Variants in TRDN observed in about 807,000 individuals in gnomAD.
TRDN encodes the protein triadin.
TRDN carries 161 observed loss-of-function variants against 149.7 expected under a neutral mutation model. The ratio of observed to expected loss-of-function variants is 1.08; its 90% CI spans 0.95 to 1.23. TRDN has a LOEUF of 1.23. TRDN is among the 50% of genes most tolerant of loss of function. The pLI is 0.00. For synonymous variants in TRDN, 294 were observed against 250.5 expected, an observed-to-expected ratio of 1.17 and a Z score of -1.64; for missense variants, 896 against 823.5, an observed-to-expected ratio of 1.09 and a Z score of -1.08.
chr6:123,284,005 T>TATATATATATATATATATATATAA, intron 24 of TRDN, among the ~76,000 whole-genome samples: 1 of 122,768 alleles, frequency 8.1e-6, no homozygotes, highest in African/African-American at 3.3e-5. Flanking sequence ...TATATATATG[T>TATATATATATATATATATATATAA]AACAAACCTG....
intron 12 of TRDN, among the ~76,000 whole-genome samples, chr6:123,411,231 G>C (rs1773429552): frequency 6.6e-6 from 1 of 151,776 alleles, no homozygotes; most frequent in Admixed American, 6.6e-5. Flanking sequence ...ATTTTTAGTA[G>C]AGACGAGCTT....
intron 14 of TRDN, among the ~76,000 whole-genome samples, chr6:123,384,031 A>G (rs748272609): frequency 1.1e-4 from 16 of 152,106 alleles, no homozygotes; most frequent in Non-Finnish European, 1.8e-4. Flanking sequence ...TATTCTTGCT[A>G]TTTAGTTTGT....
chr6:123,407,142 T>C (rs985437835), intron 12 of TRDN, among the ~76,000 whole-genome samples: 2 of 152,142 alleles, frequency 1.3e-5, no homozygotes, highest in African/African-American at 4.8e-5. Context: ...GAGTTGAGCA[T>C]GACCGGGCAA....
intron 38 of TRDN, among the ~76,000 whole-genome samples, chr6:123,246,892 A>C (rs2114557973): frequency 6.6e-6 from 1 of 152,300 alleles, no homozygotes; most frequent in African/African-American, 2.4e-5. Context: ...CACATCAAAA[A>C]GTTTATCCAC....
At chr6:123,281,918 T>TGTGGAA (rs921755803) in intron 24 of TRDN, among the ~76,000 whole-genome samples, 5 of 152,060 alleles carry the variant, frequency 3.3e-5, no homozygotes, top group African/African-American at 1.2e-4. Context: ...CCAAAATACA[T>TGTGGAA]GTGGAAGTCC....
At chr6:123,372,647 T>G (rs1368752393) in intron 19 of TRDN, among the ~76,000 whole-genome samples, 1 of 152,114 alleles carries the variant, frequency 6.6e-6, no homozygotes, top group African/African-American at 2.4e-5. Context: ...ATCCTTGATG[T>G]GATCATTGAA....
intron 12 of TRDN, among the ~76,000 whole-genome samples, chr6:123,408,591 T>C (rs1330816579): frequency 1.3e-5 from 2 of 151,666 alleles, no homozygotes; most frequent in Non-Finnish European, 2.9e-5. Context: ...GGCAGGAGAA[T>C]TGCTTGAACC....
intron 24 of TRDN, 135 bp downstream of exon 24, chr6:123,316,322 C>CATA (rs1779019133): frequency 5.0e-6 from 4 of 807,316 alleles, no homozygotes; most frequent in South Asian, 4.7e-5. Context: ...ATATATGGCA[C>CATA]ATAGCATCAG....
At chr6:123,267,395 C>G (rs1179335856) in intron 32 of TRDN, among the ~76,000 whole-genome samples, 1 of 152,020 alleles carries the variant, frequency 6.6e-6, no homozygotes, top group African/African-American at 2.4e-5. Context: ...AAACTATCAA[C>G]TTAATCTGTA....
chr6:123,482,575 A>T (rs978744866), intron 9 of TRDN, among the ~76,000 whole-genome samples: 1 of 152,190 alleles, frequency 6.6e-6, no homozygotes, highest in African/African-American at 2.4e-5. Context: ...TTTGGGAGAA[A>T]ATCATTATTA....
chr6:123,572,651 A>G (rs1782642986), intron 1 of TRDN, among the ~76,000 whole-genome samples: 1 of 152,126 alleles, frequency 6.6e-6, no homozygotes, highest in Non-Finnish European at 1.5e-5. Context: ...TAAGTAATTG[A>G]ATACTTAAGG....
intron 5 of TRDN, among the ~76,000 whole-genome samples, chr6:123,519,554 T>G (rs977134380): frequency 6.6e-6 from 1 of 150,440 alleles, no homozygotes; most frequent in Non-Finnish European, 1.5e-5. Context: ...GTTCTTTACT[T>G]AATCGTCCTG....
At chr6:123,244,658 T>A (rs776684311) in intron 38 of TRDN, among the ~76,000 whole-genome samples, 9 of 152,170 alleles carry the variant, frequency 5.9e-5, no homozygotes, top group Non-Finnish European at 1.3e-4. Context: ...GGAACCAAGT[T>A]GGAAAACACA....
At chr6:123,451,501 A>G (rs969213655) in intron 10 of TRDN, among the ~76,000 whole-genome samples, 1 of 152,152 alleles carries the variant, frequency 6.6e-6, no homozygotes, top group African/African-American at 2.4e-5. Context: ...AAAACCTAGA[A>G]GAGATGGATA....
At position 123,255,199 on chromosome 6, in the gene TRDN, A is replaced by G. The variant is rs562471837; in HGVS notation, c.1907-74T>C. 2.2e-5 allele frequency: 15 copies of G among 674,680 alleles called. No individual in the cohort carries two copies. The East Asian group carries it at 4.3e-4, about 19-fold the overall frequency. 41.8% of individuals were successfully genotyped at this position (674,680 alleles called of 1,614,324 possible). On this transcript the variant is annotated intron_variant, in intron 36 of 40. Coordinates refer to ENST00000334268, the MANE Select transcript of TRDN (RefSeq NM_006073.4). ...TTCCATCAAAATTTTGTCTCACATCAACGAATGAGGATAATTTAAGTGTTA... is the reference window on the plus strand; with the variant it reads ...TTCCATCAAAATTTTGTCTCACATCGACGAATGAGGATAATTTAAGTGTTA...
intron 10 of TRDN, among the ~76,000 whole-genome samples, chr6:123,458,131 T>C (rs1776240982): frequency 6.6e-6 from 1 of 152,210 alleles, no homozygotes; most frequent in African/African-American, 2.4e-5. Context: ...TTGACAAATG[T>C]AAATTTTCCT....
chr6:123,438,220 T>G, intron 11 of TRDN, 98 bp from the exon 12 acceptor site: 1 of 836,326 alleles, frequency 1.2e-6, no homozygotes, highest in Non-Finnish European at 1.8e-6. Flanking sequence ...ATTTATCTTG[T>G]ATAGAGAAAT....
At chr6:123,244,935 A>G (rs1053879877) in intron 38 of TRDN, among the ~76,000 whole-genome samples, 1 of 152,208 alleles carries the variant, frequency 6.6e-6, no homozygotes, top group Non-Finnish European at 1.5e-5. Flanking sequence ...AGTGGGGGCC[A>G]ATATTCAACA....
rs546053187 is a variant in TRDN at position 123,299,368 on chromosome 6, T to A, written c.1510+17089A>T. Among the ~76,000 whole-genome samples the A allele has an allele frequency of 8.5e-5, 13 of 152,168 alleles. No individual in the cohort carries two copies. In the East Asian group the frequency reaches 2.3e-3, roughly 27 times the overall value. On this transcript the variant is annotated intron_variant, in intron 24 of 40. Coordinates refer to ENST00000334268, the MANE Select transcript of TRDN (RefSeq NM_006073.4). Reference sequence around the variant, plus strand: ...CATTATTTGTCTCAGGTTTGCTATTTGTCACATCCATATCAGCACCTGGGC... The same window carrying A: ...CATTATTTGTCTCAGGTTTGCTATTAGTCACATCCATATCAGCACCTGGGC...
Sources: gnomAD v4.1 joint callset for allele counts (sites outside exome capture counted in the v4.1 genomes callset) on GRCh38, gnomAD v4.1.1 for gene constraint, MANE v1.5 for transcripts, NCBI Gene and HGNC (gene_info 2026-07-23, HGNC 2026-07-21) for gene names.